The following SLC9A3 variants were observed in gnomAD, a reference collection of about 807,000 sequenced individuals.
The protein encoded by SLC9A3 is solute carrier family 9 member A3.
In SLC9A3, 37 loss-of-function variants were observed where a neutral mutation model predicts 86.8. The observed-to-expected ratio is 0.43, with a 90% CI of 0.33 to 0.56. The LOEUF (loss-of-function observed/expected upper bound fraction) is 0.56. SLC9A3 is among the 20% of genes least tolerant of loss of function. SLC9A3 has a pLI of 0.06. For missense variants in SLC9A3, 1,011 were observed against 1,171.9 expected (o/e 0.86, Z 2.00); for synonymous variants, 581 against 528.3 (o/e 1.10, Z -1.37).
rs1388814232 is a variant in SLC9A3, at chr5:497,883, C to T, written c.212-5812G>A. Among the ~76,000 whole-genome samples, 1 of 148,004 alleles carries T rather than the reference C, an allele frequency of 6.8e-6. No homozygotes were observed. Among genetic ancestry groups the T allele is most frequent in the East Asian group, 2.0e-4 (1 of 4,926 alleles). On this transcript the variant is annotated intron_variant, in intron 1 of 16. Coordinates refer to ENST00000264938, the MANE Select transcript of SLC9A3 (RefSeq NM_004174.4). This position sits in a 1 kb window ranked among gnomAD's most constrained non-coding sequence, Gnocchi z 5.4. ...GCCCGGCCGCATCCCCAGCCTCTGC[C>T]CCTGTCCCGGGTGGGGTCGCCCGGC...
chr5:488,047 G>A (rs1436882043), intron 3 of SLC9A3, among the ~76,000 whole-genome samples: 2 of 152,268 alleles, frequency 1.3e-5, no homozygotes, highest in African/African-American at 4.8e-5. Context: ...GGGACCAGGA[G>A]GGCGGGATTT....
chr5:515,435 G>A (rs1330319560), intron 1 of SLC9A3, among the ~76,000 whole-genome samples: 2 of 152,026 alleles, frequency 1.3e-5, no homozygotes, highest in South Asian at 2.1e-4. Context: ...CTAGACTGAC[G>A]ACACGACACT....
At chr5:508,483 C>T (rs1335192923) in intron 1 of SLC9A3, among the ~76,000 whole-genome samples, 1 of 144,060 alleles carries the variant, frequency 6.9e-6, no homozygotes, top group Non-Finnish European at 1.5e-5. Flanking sequence ...AGACACAGCC[C>T]ATAGTGTGCC....
chr5:498,920 G>A (rs543519436), intron 1 of SLC9A3, among the ~76,000 whole-genome samples: 116 of 152,258 alleles, frequency 7.6e-4, no homozygotes, highest in Non-Finnish European at 1.4e-3. Context: ...TGGCAGTTTC[G>A]CCCCAGCCAG....
chr5:502,001 G>T, intron 1 of SLC9A3, among the ~76,000 whole-genome samples: 1 of 152,264 alleles, frequency 6.6e-6, no homozygotes, highest in East Asian at 1.9e-4. Context: ...ACAGCTCCAA[G>T]AACAACAGCC....
Position 506,288 on chromosome 5 carries a change from A to G in SLC9A3, c.212-14217T>C, listed in dbSNP as rs1740575222. On this transcript the variant is annotated intron_variant, in intron 1 of 16. Coordinates refer to ENST00000264938, the MANE Select transcript of SLC9A3 (RefSeq NM_004174.4). The stretch of plus-strand genomic sequence containing the variant: ...CCAGAGAGGACAAAGGTGGAAAGAC[A>G]CACGAAAGGGGCCCGAGACGGGGGC... Among the ~76,000 whole-genome samples the G allele has an allele frequency of 2.6e-5, 4 of 152,304 alleles. No homozygotes were observed. The South Asian group carries it at 8.3e-4, about 32-fold the overall frequency.
chr5:480,021 C>A, intron 9 of SLC9A3, 56 bp from the exon 10 acceptor site: 1 of 1,581,418 alleles, frequency 6.3e-7, no homozygotes, highest in Non-Finnish European at 8.6e-7. Flanking sequence ...TAGAGCCCGC[C>A]GGACGCGTGG....
At position 473,361 on chromosome 5, in the gene SLC9A3, G is replaced by A; in HGVS notation, c.*18C>T. On this transcript the variant is annotated 3_prime_UTR_variant, in exon 17 of 17. Coordinates refer to ENST00000264938, the MANE Select transcript of SLC9A3 (RefSeq NM_004174.4). ...GCGCGGGGACGAGCGGCCGGTTAGC[G>A]GCGTGTCGGAGCCGGTGTCACCTGC... is the stretch of plus-strand genomic sequence containing the variant. The A allele has an allele frequency of 1.4e-6, 2 of 1,421,254 alleles. No homozygotes were observed. Among genetic ancestry groups the A allele is most frequent in the Non-Finnish European group, 9.3e-7 (1 of 1,081,008 alleles). The allele number at this position is 1,421,254 out of a possible 1,614,324, so 88.0% of individuals were successfully genotyped here.
chr5:473,103 G>A lies in SLC9A3; in HGVS notation c.*276C>T. 6.0e-6 allele frequency: 1 copy of A among 166,470 alleles called. No individual in the cohort carries two copies. Among genetic ancestry groups the A allele is most frequent in the Non-Finnish European group, 1.2e-5 (1 of 82,368 alleles). 10.3% of individuals were successfully genotyped at this position (166,470 alleles called of 1,614,324 possible). A position where few individuals can be genotyped will look rare whatever the true frequency, so the allele number is the denominator to read the frequency against. ...GCGCCGGCTGTGCACGCGGCGCGCC[G>A]CCGCCGAACGCGCGTGCGCACTCGG... On this transcript the variant is annotated 3_prime_UTR_variant, in exon 17 of 17. Coordinates refer to ENST00000264938, the MANE Select transcript of SLC9A3 (RefSeq NM_004174.4).
chr5:501,099 C>G (rs1229431634), intron 1 of SLC9A3, among the ~76,000 whole-genome samples: 1 of 152,202 alleles, frequency 6.6e-6, no homozygotes, highest in African/African-American at 2.4e-5. Flanking sequence ...CGACAGGGGA[C>G]AGACGCTTTT....
At chr5:483,890 C>T (rs923261558) in intron 5 of SLC9A3, among the ~76,000 whole-genome samples, 2 of 152,274 alleles carry the variant, frequency 1.3e-5, no homozygotes, top group Admixed American at 6.5e-5. Flanking sequence ...GCCAGCGGAG[C>T]GGGCGAGGTG....
chr5:481,354 A>C (rs1403591676), intron 9 of SLC9A3, among the ~76,000 whole-genome samples: 1 of 152,016 alleles, frequency 6.6e-6, no homozygotes, highest in Non-Finnish European at 1.5e-5. Context: ...CTGTCCCCTC[A>C]CTCGGTGGCC....
rs1307755107 is a variant in SLC9A3 at position 471,960 on chromosome 5, C to T, written c.*1419G>A. On this transcript the variant is annotated 3_prime_UTR_variant, in exon 17 of 17. Transcript: ENST00000264938. The stretch of plus-strand genomic sequence containing the variant: ...TCCTCCTGACTGGTGACTGTCAACA[C>T]TTGATCTGAAACGTGAATAGTTTAA... 8.8e-6 allele frequency: 4 copies of T among 456,676 alleles called. No homozygotes were observed. The highest frequency in any genetic ancestry group is 1.8e-5 in the Non-Finnish European group (4 of 226,978). 28.3% of individuals were successfully genotyped at this position (456,676 alleles called of 1,614,324 possible). A position where few individuals can be genotyped will look rare whatever the true frequency, so the allele number is the denominator to read the frequency against.
chr5:473,481 C>T, intron 16 of SLC9A3, 99 bp from the exon 17 acceptor site: 1 of 1,040,440 alleles, frequency 9.6e-7, no homozygotes, highest in Non-Finnish European at 1.2e-6. Context: ...CGGCGGCTCT[C>T]GCCTCCCCTC....
rs979445972 is a variant in SLC9A3, at chr5:491,655, C to T, written c.514+114G>A. On this transcript the variant is annotated intron_variant, in intron 2 of 16. Transcript: ENST00000264938. The surrounding 1 kb of genome is among the most constrained non-coding windows in gnomAD (Gnocchi z 9.2). The stretch of plus-strand genomic sequence containing the variant: ...GCTGCCAGCCACGTTTCTCACCTGA[C>T]ACTTACCGCCTGGAGGCCAGGGTGC... 2.0e-6 allele frequency: 2 copies of T among 980,784 alleles called. No homozygotes were observed. Among genetic ancestry groups the T allele is most frequent in the East Asian group, 5.4e-5 (2 of 37,366 alleles). The allele number at this position is 980,784 out of a possible 1,614,324, so 60.8% of individuals were successfully genotyped here.
Position 476,689 on chromosome 5 carries a change from G to C in SLC9A3, c.1761-17C>G, listed in dbSNP as rs760668308. 2.6e-5 allele frequency: 41 copies of C among 1,600,432 alleles called. No homozygotes were observed. Among genetic ancestry groups the C allele is most frequent in the Non-Finnish European group, 3.5e-5 (41 of 1,179,648 alleles). ...TTTTCTCTCCTGCGTGGGGACCAGC[G>C]CTGAGCCATACAGGCTCCCTCAGGG... On this transcript the variant is annotated splice_polypyrimidine_tract_variant and intron_variant, in intron 11 of 16. Coordinates refer to ENST00000264938, the MANE Select transcript of SLC9A3 (RefSeq NM_004174.4).
intron 1 of SLC9A3, among the ~76,000 whole-genome samples, chr5:503,914 C>A (rs1740421221): frequency 6.6e-6 from 1 of 152,196 alleles, no homozygotes; most frequent in Non-Finnish European, 1.5e-5. Flanking sequence ...AAGACTGGGC[C>A]CCCAGAGCTC....
intron 15 of SLC9A3, 36 bp downstream of exon 15, chr5:475,525 C>A: frequency 7.6e-7 from 1 of 1,315,078 alleles, no homozygotes. Flanking sequence ...AGGAGCCACC[C>A]CTCCCTTAGC....
rs774787948 is a variant in SLC9A3, at chr5:472,673, C to T, written c.*706G>A. On this transcript the variant is annotated 3_prime_UTR_variant, in exon 17 of 17. Transcript: ENST00000264938. ...GAGCAGACGGAAGACGTTCCTGCCA[C>T]TTTACCTGCAGTTCAAAGACCTGGC... is the stretch of plus-strand genomic sequence containing the variant. The T allele has an allele frequency of 1.6e-5, 8 of 502,410 alleles. No homozygotes were observed. Among genetic ancestry groups the T allele is most frequent in the South Asian group, 1.2e-4 (8 of 64,908 alleles). The allele number at this position is 502,410 out of a possible 1,614,324, so 31.1% of individuals were successfully genotyped here. A position where few individuals can be genotyped will look rare whatever the true frequency, so the allele number is the denominator to read the frequency against.
Sources: allele counts gnomAD v4.1 joint callset (sites outside exome capture counted in the v4.1 genomes callset), GRCh38; gene constraint gnomAD v4.1.1; non-coding constraint Gnocchi (gnomAD v3.1); transcripts MANE v1.5; gene names NCBI Gene and HGNC (gene_info 2026-07-23, HGNC 2026-07-21).